The following PUDP variants were observed in gnomAD, a reference collection of about 807,000 sequenced individuals.
The protein encoded by PUDP is pseudouridine 5'-phosphatase, also known as pseudouridine-5'-phosphatase.
A neutral mutation model predicts 9.4 loss-of-function variants in PUDP; 8 were observed. The observed-to-expected ratio is 0.85, with a 90% CI of 0.50 to 1.53. The LOEUF (loss-of-function observed/expected upper bound fraction) is 1.53. PUDP is among the 40% of genes most tolerant of loss of function. The pLI is 0.00. For missense variants in PUDP, 188 were observed against 189.7 expected (o/e 0.99, Z 0.05); for synonymous variants, 99 against 80.7 (o/e 1.23, Z -1.22).
intron 1 of PUDP, among the ~76,000 whole-genome samples, chrX:6,713,091 C>T (rs1433887006): frequency 8.9e-6 from 1 of 111,885 alleles, no homozygotes; most frequent in Non-Finnish European, 1.9e-5. Flanking sequence ...TGTTGGGGCT[C>T]AGAAAACAAT....
intron 1 of PUDP, among the ~76,000 whole-genome samples, chrX:7,013,761 C>A (rs910600477): frequency 1.8e-5 from 2 of 111,709 alleles, no homozygotes; most frequent in Non-Finnish European, 3.8e-5. Context: ...TCCAGCCCCG[C>A]AGTAGTGTCT....
At chrX:7,062,725 G>A (rs1018956489) in intron 3 of PUDP, among the ~76,000 whole-genome samples, 1 of 109,211 alleles carries the variant, frequency 9.2e-6, no homozygotes, top group Non-Finnish European at 1.9e-5. Context: ...AGGGTGAGAT[G>A]AGGTCAGAGC....
intron 1 of PUDP, chrX:7,113,186 T>C (rs1412349110): frequency 1.8e-5 from 2 of 112,375 alleles, no homozygotes; most frequent in Non-Finnish European, 3.8e-5. Flanking sequence ...GGGGAAATGG[T>C]ACAGGGGCAG....
intron 1 of PUDP, among the ~76,000 whole-genome samples, chrX:7,017,762 C>T (rs1452560673): frequency 8.9e-6 from 1 of 111,926 alleles, no homozygotes; most frequent in Non-Finnish European, 1.9e-5. Flanking sequence ...ACATGTGGAA[C>T]TGTCAGAGGT....
intron 1 of PUDP, among the ~76,000 whole-genome samples, chrX:7,146,432 A>G (rs772271477): frequency 8.9e-6 from 1 of 111,928 alleles, no homozygotes; most frequent in Non-Finnish European, 1.9e-5. Flanking sequence ...TTATTTGACA[A>G]TTTAACTTTT....
intron 3 of PUDP, among the ~76,000 whole-genome samples, chrX:6,817,034 GTATATACAATA>G (rs1047928144): frequency 8.9e-5 from 6 of 67,185 alleles, no homozygotes; most frequent in African/African-American, 5.7e-4. Context: ...ATACTATATA[GTATATACAATA>G]TATATACACT....
intron 3 of PUDP, among the ~76,000 whole-genome samples, chrX:6,970,708 A>T (rs2040627502): frequency 8.9e-6 from 1 of 111,807 alleles, no homozygotes; most frequent in South Asian, 3.8e-4. Context: ...CAAGCTTTTT[A>T]TCCATAAAGT....
intron 2 of PUDP, among the ~76,000 whole-genome samples, chrX:7,090,607 G>A (rs1338879998): frequency 8.9e-6 from 1 of 111,954 alleles, no homozygotes; most frequent in Non-Finnish European, 1.9e-5. Flanking sequence ...AACCCAGACA[G>A]TATCTGCATT....
intron 1 of PUDP, among the ~76,000 whole-genome samples, chrX:6,720,939 C>T (rs1924666667): frequency 9.0e-6 from 1 of 111,252 alleles, no homozygotes; most frequent in Non-Finnish European, 1.9e-5. Context: ...AGAAGAAAAA[C>T]ATGCTGGGGA....
intron 1 of PUDP, among the ~76,000 whole-genome samples, chrX:6,991,473 T>A (rs1327181091): frequency 1.8e-5 from 2 of 109,106 alleles, no homozygotes; most frequent in Non-Finnish European, 3.8e-5. Flanking sequence ...AGCCCAGGAG[T>A]TCAAAACCAG....
At chrX:6,965,029 AG>A (rs1387629928) in intron 3 of PUDP, among the ~76,000 whole-genome samples, 1 of 111,993 alleles carries the variant, frequency 8.9e-6, no homozygotes, top group Non-Finnish European at 1.9e-5. Flanking sequence ...AACAAACAGA[AG>A]TCAGTAACTG....
rs892538566 is a variant in PUDP, at chrX:6,840,505, C to A, written c.*248-134039G>T. Among the ~76,000 whole-genome samples, 56 of 112,283 alleles carry A rather than the reference C, an allele frequency of 5.0e-4. 1 individual carries two copies. Among genetic ancestry groups the A allele is most frequent in the Non-Finnish European group, 2.8e-4 (15 of 53,313 alleles). On this transcript the variant is annotated intron_variant and NMD_transcript_variant, in intron 3 of 3. Transcript: ENST00000655425. ...GAAATAAACCAGTCTGAGAAGGCTA[C>A]ATACTATATGATTTCAACTACAGGA... is the stretch of plus-strand genomic sequence containing the variant.
At chrX:6,723,707 C>CAA (rs1190456921), upstream of PUDP, among the ~76,000 whole-genome samples, 1 of 109,894 alleles carries the variant, frequency 9.1e-6, no homozygotes, top group African/African-American at 3.3e-5. Flanking sequence ...CAAAACAAAA[C>CAA]AAAACAAAAA....
At chrX:6,915,551 T>A (rs1325193887) in intron 3 of PUDP, among the ~76,000 whole-genome samples, 1 of 111,717 alleles carries the variant, frequency 9.0e-6, no homozygotes, top group Non-Finnish European at 1.9e-5. Context: ...GCAAATACAG[T>A]TATGTGGACC....
chrX:6,726,433 A>G (rs1924739402), upstream of PUDP, among the ~76,000 whole-genome samples: 1 of 111,654 alleles, frequency 9.0e-6, no homozygotes, highest in Non-Finnish European at 1.9e-5. Flanking sequence ...AGGATTTTTA[A>G]TGTTCCCAAC....
At chrX:6,830,898 G>C (rs1477262731) in intron 3 of PUDP, among the ~76,000 whole-genome samples, 2 of 112,100 alleles carry the variant, frequency 1.8e-5, no homozygotes, top group Non-Finnish European at 3.8e-5. Flanking sequence ...ATCAAGACAG[G>C]GCAATTGCAA....
At chrX:6,795,059 A>C (rs1925820939) in intron 3 of PUDP, among the ~76,000 whole-genome samples, 1 of 105,996 alleles carries the variant, frequency 9.4e-6, no homozygotes, top group Non-Finnish European at 1.9e-5. Context: ...TTTACTTTTT[A>C]AACTTTAAAA....
At chrX:6,768,291 C>A (rs1056747447) in intron 3 of PUDP, among the ~76,000 whole-genome samples, 1 of 111,415 alleles carries the variant, frequency 9.0e-6, no homozygotes, top group African/African-American at 3.3e-5. Context: ...CGAGACAGCC[C>A]TAGACAACAA....
At chrX:6,757,431 G>A (rs1925182251) in intron 3 of PUDP, among the ~76,000 whole-genome samples, 1 of 110,668 alleles carries the variant, frequency 9.0e-6, no homozygotes, top group South Asian at 3.9e-4. Context: ...TGGGTGTGGG[G>A]GTGGGAGGTT....
Sources: gnomAD v4.1 joint callset for allele counts (sites outside exome capture counted in the v4.1 genomes callset) on GRCh38, gnomAD v4.1.1 for gene constraint, MANE v1.5 for transcripts, NCBI Gene and HGNC (gene_info 2026-07-23, HGNC 2026-07-21) for gene names.